Variants in MYH16 observed in about 807,000 individuals in gnomAD.
The protein encoded by MYH16 is myosin heavy chain 16.
rs144382447 is a variant in MYH16, at chr7:99,302,795, C to T, written n.5138-270C>T. On this transcript the variant is annotated intron_variant and non_coding_transcript_variant, in intron 38 of 41. Coordinates refer to ENST00000439784, the Ensembl canonical transcript of MYH16. Reference sequence around the variant, plus strand: ...ACTTGGAAGGCTGAGGTGGGAGGATCGCTTGAGCCTAAGAGATTGAGGCCG... The same window carrying T: ...ACTTGGAAGGCTGAGGTGGGAGGATTGCTTGAGCCTAAGAGATTGAGGCCG... 7.6e-3 allele frequency among the ~76,000 whole-genome samples: 1,143 copies of T among 151,062 alleles called. 16 individuals carry two copies. The highest frequency in any genetic ancestry group is 0.027 in the African/African-American group (1,103 of 41,110).
chr7:99,243,488 G>T (rs895675758), intron 2 of MYH16: 2 of 152,592 alleles, frequency 1.3e-5, no homozygotes, highest in Admixed American at 6.5e-5. Context: ...CTTTTCTTTT[G>T]TTGAGGAGGG....
intron 18 of MYH16, among the ~76,000 whole-genome samples, chr7:99,269,378 C>T (rs749308159): frequency 6.6e-6 from 1 of 151,792 alleles, no homozygotes; most frequent in Non-Finnish European, 1.5e-5. Context: ...TGGGCTCAAG[C>T]GGTTCTCCCA....
intron 36 of MYH16, among the ~76,000 whole-genome samples, chr7:99,298,204 T>C (rs999526321): frequency 2.0e-5 from 3 of 152,026 alleles, no homozygotes; most frequent in African/African-American, 7.2e-5. Context: ...TTTTGGGTTT[T>C]TCTTTTTTGG....
chr7:99,249,776 C>T (rs1791788089), intron 4 of MYH16, among the ~76,000 whole-genome samples: 1 of 151,120 alleles, frequency 6.6e-6, no homozygotes, highest in African/African-American at 2.4e-5. Context: ...AGGCTGGTCT[C>T]GAACTCCTGA....
intron 3 of MYH16, among the ~76,000 whole-genome samples, chr7:99,248,545 G>C (rs190303135): frequency 1.3e-5 from 2 of 152,156 alleles, no homozygotes; most frequent in Non-Finnish European, 2.9e-5. Flanking sequence ...ATAGCAATGC[G>C]TCACTATGCC....
downstream of MYH16, among the ~76,000 whole-genome samples, chr7:99,308,588 G>T (rs551067446): frequency 2.0e-4 from 30 of 152,194 alleles, no homozygotes; most frequent in Non-Finnish European, 3.8e-4. Context: ...AGCAGCATCA[G>T]TGTCACCTAC....
At chr7:99,291,192 C>T in intron 30 of MYH16, 131 bp from the exon 12 acceptor site, 1 of 371,216 alleles carries the variant, frequency 2.7e-6, no homozygotes. Flanking sequence ...CTACTGTGCT[C>T]CCCATTCCAG....
In MYH16 at chr7:99,291,328, A is replaced by T. The variant is rs1362017804; in HGVS notation, n.3830A>T. 3 of 455,636 alleles carry T rather than the reference A, an allele frequency of 6.6e-6. No individual in the cohort carries two copies. The Admixed American group carries it at 7.1e-5, about 11-fold the overall frequency. The allele number at this position is 455,636 out of a possible 1,614,324, so 28.2% of individuals were successfully genotyped here. A position where few individuals can be genotyped will look rare whatever the true frequency, so the allele number is the denominator to read the frequency against. ...TCCATTTCCTTCTCACCCAGCTGAA[A>T]ATAGTGAACTGAGCAGGGAATATGA... On this transcript the variant is annotated non_coding_transcript_exon_variant, in exon 31 of 42. Transcript: ENST00000439784.
chr7:99,288,817 A>G (rs1792324882), intron 29 of MYH16, among the ~76,000 whole-genome samples: 1 of 151,868 alleles, frequency 6.6e-6, no homozygotes, highest in Admixed American at 6.6e-5. Context: ...TCTCTGGCAC[A>G]TAAGAGTGCT....
chr7:99,310,440 C>T (rs1792744459), downstream of MYH16, among the ~76,000 whole-genome samples: 1 of 152,228 alleles, frequency 6.6e-6, no homozygotes, highest in South Asian at 2.1e-4. Context: ...TGACACATCA[C>T]AGGCAGGCTC....
intron 20 of MYH16, 99 bp downstream of exon 2, chr7:99,273,522 G>A (rs765707666): frequency 9.5e-6 from 4 of 421,578 alleles, no homozygotes; most frequent in Non-Finnish European, 1.9e-5. Flanking sequence ...GTGAGAGGCT[G>A]CAAGAACAGT....
downstream of MYH16, among the ~76,000 whole-genome samples, chr7:99,309,347 G>A (rs575176186): frequency 2.6e-5 from 4 of 152,314 alleles, no homozygotes; most frequent in South Asian, 8.3e-4. Flanking sequence ...CTATCTTTCA[G>A]TAATGGTGGT....
At chr7:99,265,614 G>T in exon 17 of MYH16, 1 of 154,774 alleles carries the variant, frequency 6.5e-6, no homozygotes, top group South Asian at 1.8e-4. Context: ...AGCTTGCAAT[G>T]GTGTCCTGGA....
At chr7:99,301,121 G>T (rs1792587369) in intron 37 of MYH16, among the ~76,000 whole-genome samples, 1 of 150,950 alleles carries the variant, frequency 6.6e-6, no homozygotes, top group Non-Finnish European at 1.5e-5. Context: ...CTTGAACCCG[G>T]GAGGCGGAGA....
downstream of MYH16, chr7:99,310,771 A>T (rs567822312): frequency 2.4e-4 from 37 of 152,304 alleles, no homozygotes; most frequent in African/African-American, 8.7e-4. Flanking sequence ...GTCCATTCAG[A>T]GGGAGAAAAT....
intron 15 of MYH16, among the ~76,000 whole-genome samples, chr7:99,264,532 C>G (rs901111412): frequency 1.3e-5 from 2 of 152,156 alleles, no homozygotes; most frequent in Admixed American, 6.5e-5. Flanking sequence ...AGCGTGATCA[C>G]GCGAGATAGC....
In MYH16 at chr7:99,285,455, T is replaced by C; in HGVS notation, n.3373+17T>C. On this transcript the variant is annotated intron_variant and non_coding_transcript_variant, in intron 27 of 41. Transcript: ENST00000439784. ...AGAGCCAAGGTAAATGAAATACGTT[T>C]CCCCTTCTTGAGTCAAAAGACCTAA... is the stretch of plus-strand genomic sequence containing the variant. The C allele has an allele frequency of 2.2e-6, 1 of 456,662 alleles. No individual in the cohort carries two copies. The highest frequency in any genetic ancestry group is 4.4e-6 in the Non-Finnish European group (1 of 226,954). The allele number at this position is 456,662 out of a possible 1,614,324, so 28.3% of individuals were successfully genotyped here. A position where few individuals can be genotyped will look rare whatever the true frequency, so the allele number is the denominator to read the frequency against.
chr7:99,289,244 C>A (rs1431977960), intron 29 of MYH16, 43 bp from the exon 11 acceptor site: 1 of 262,578 alleles, frequency 3.8e-6, no homozygotes, highest in South Asian at 3.0e-5. Context: ...GCTTGGCCTC[C>A]CCCACCCGCA....
chr7:99,245,211 C>T (rs1027715751), intron 2 of MYH16, among the ~76,000 whole-genome samples: 1 of 152,178 alleles, frequency 6.6e-6, no homozygotes, highest in African/African-American at 2.4e-5. Context: ...TTTCCTTCAT[C>T]GTCTCTTTGC....
Sources: allele counts gnomAD v4.1 joint callset (sites outside exome capture counted in the v4.1 genomes callset), GRCh38; gene constraint gnomAD v4.1.1; transcripts MANE v1.5; gene names NCBI Gene and HGNC (gene_info 2026-07-23, HGNC 2026-07-21).